The following MTTP variants were observed in gnomAD, a reference collection of about 807,000 sequenced individuals.
MTTP encodes the protein microsomal triglyceride transfer protein.
MTTP carries 49 observed loss-of-function variants against 90.6 expected under a neutral mutation model. The ratio of observed to expected loss-of-function variants is 0.54; its 90% CI spans 0.43 to 0.69. MTTP has a LOEUF of 0.69. Ranked by LOEUF, MTTP falls within the 30% of genes least tolerant of loss-of-function variation. The probability of loss-of-function intolerance (pLI) is 0.00; values close to 1 mark genes in which losing one functional copy is unlikely to be tolerated. For missense variants in MTTP, 945 were observed against 1,067.5 expected (o/e 0.89, Z 1.60); for synonymous variants, 347 against 384.2 (o/e 0.90, Z 1.13).
chr4:99,621,174 T>TTTCTCAGTACCC lies in MTTP; in HGVS notation c.2457_2468dup (p.Ser820_Pro823dup), dbSNP rs1726220630. On this transcript the variant is annotated inframe_insertion, in exon 17 of 18. Coordinates refer to ENST00000265517, the MANE Select transcript of MTTP (RefSeq NM_001386140.1). ...TTGGAGTTTATCTCCACAGTGCAGT[T>TTTCTCAGTACCC]TTCTCAGTACCCATTCTTAGTTTGC... 1 of 1,613,962 alleles carries TTTCTCAGTACCC rather than the reference T, an allele frequency of 6.2e-7. No homozygotes were observed. The highest frequency in any genetic ancestry group is 1.3e-5 in the African/African-American group (1 of 74,910).
At chr4:99,565,180 A>G (rs927690461) in intron 1 of MTTP, among the ~76,000 whole-genome samples, 4 of 152,188 alleles carry the variant, frequency 2.6e-5, no homozygotes, top group Admixed American at 2.0e-4. Context: ...TGGCAAAGTG[A>G]TGTGCCAAAT....
chr4:99,577,544 G>A (rs907135175), intron 1 of MTTP, among the ~76,000 whole-genome samples: 39 of 148,050 alleles, frequency 2.6e-4, no homozygotes, highest in Admixed American at 2.3e-3. Flanking sequence ...GGTGGAGGTT[G>A]CAGTGAGCTG....
intron 1 of MTTP, among the ~76,000 whole-genome samples, chr4:99,580,845 G>A (rs998827704): frequency 3.9e-5 from 6 of 152,152 alleles, no homozygotes; most frequent in Non-Finnish European, 7.4e-5. Flanking sequence ...TACTGTGTAG[G>A]TGGGTAAGGC....
chr4:99,600,864 G>C (rs764424736), intron 9 of MTTP, 131 bp downstream of exon 9: 19 of 897,296 alleles, frequency 2.1e-5, no homozygotes, highest in Non-Finnish European at 2.7e-5. Context: ...TATTCAAATT[G>C]GGGTATTTTC....
At chr4:99,619,757 A>G (rs1245183373) in intron 16 of MTTP, among the ~76,000 whole-genome samples, 1 of 152,200 alleles carries the variant, frequency 6.6e-6, no homozygotes, top group African/African-American at 2.4e-5. Context: ...ATAAAATCAA[A>G]TTTTTGATTC....
At chr4:99,611,070 T>C in intron 12 of MTTP, 73 bp from the exon 13 acceptor site, 2 of 1,527,778 alleles carry the variant, frequency 1.3e-6, no homozygotes, top group Non-Finnish European at 1.8e-6. Flanking sequence ...TGAGGATTTT[T>C]TTTTTCCAAA....
intron 10 of MTTP, 23 bp from the exon 11 acceptor site, chr4:99,606,725 A>T: frequency 6.2e-7 from 1 of 1,607,562 alleles, no homozygotes; most frequent in Non-Finnish European, 8.5e-7. Flanking sequence ...TCATGCATAT[A>T]TCTAAGGTAT....
In MTTP at chr4:99,621,083, G is replaced by A. The variant is rs1726217234; in HGVS notation, c.2365G>A (p.Asp789Asn). 6.2e-7 allele frequency: 1 copy of A among 1,613,894 alleles called. No homozygotes were observed. Among genetic ancestry groups the A allele is most frequent in the South Asian group, 1.1e-5 (1 of 91,070 alleles). ...TAGGGTGACTGTGGTAATAACCACTGACATCACAGTGGACTCCTCTTTTGT... is the reference window on the plus strand; with the variant it reads ...TAGGGTGACTGTGGTAATAACCACTAACATCACAGTGGACTCCTCTTTTGT... ...KNRVTVVITT[D>N]ITVDSSFVKA... is the part of the protein sequence containing the mutation. Residue 789 changes from aspartate to asparagine, a missense_variant, in exon 17 of 18, where the codon GAC becomes AAC. By Grantham distance (23) the Asp-to-Asn change is conservative. Transcript: ENST00000265517.
At chr4:99,577,492 C>G (rs1724993143) in intron 1 of MTTP, among the ~76,000 whole-genome samples, 1 of 151,452 alleles carries the variant, frequency 6.6e-6, no homozygotes, top group Non-Finnish European at 1.5e-5. Context: ...GTAATCCCAG[C>G]TACTCAGGAG....
At chr4:99,594,644 C>T in intron 6 of MTTP, 89 bp from the exon 7 acceptor site, 2 of 1,472,678 alleles carry the variant, frequency 1.4e-6, no homozygotes, top group Non-Finnish European at 1.9e-6. Flanking sequence ...GAATAAATTA[C>T]TATCTTGTTT....
chr4:99,581,983 GC>G lies in MTTP; in HGVS notation c.141del (p.Gly49GlufsTer31), dbSNP rs1228389182. The G allele has an allele frequency of 4.3e-6, 7 of 1,614,024 alleles. No homozygotes were observed. Among genetic ancestry groups the G allele is most frequent in the Non-Finnish European group, 5.9e-6 (7 of 1,180,022 alleles). On this transcript the variant is annotated frameshift_variant, in exon 2 of 18. Transcript: ENST00000265517. LOFTEE classifies it high-confidence loss of function. ...TCCACTGAAGTTCTTCTTGATCGGG[GC>G]AAAGGAAAACTGCAAGACAGCGTGG... ...TYSTEVLLDR[G>X]KGKLQDSVGY... is the part of the protein sequence containing the mutation.
At chr4:99,579,442 G>C (rs1012214926) in intron 1 of MTTP, among the ~76,000 whole-genome samples, 3 of 152,086 alleles carry the variant, frequency 2.0e-5, no homozygotes, top group Admixed American at 2.0e-4. Flanking sequence ...TGTTTCCTCT[G>C]TGAGGGGAAG....
In MTTP at chr4:99,623,506, A is replaced by G. The variant is rs1011493623; in HGVS notation, c.*658A>G. The G allele has an allele frequency of 1.3e-5, 2 of 153,818 alleles. No individual in the cohort carries two copies. The highest frequency in any genetic ancestry group is 2.9e-5 in the Non-Finnish European group (2 of 69,214). The allele number at this position is 153,818 out of a possible 1,614,324, so 9.5% of individuals were successfully genotyped here. On this transcript the variant is annotated 3_prime_UTR_variant, in exon 18 of 18. Coordinates refer to ENST00000265517, the MANE Select transcript of MTTP (RefSeq NM_001386140.1). ...CTGACCATTTTAGTGAGGTTGTTCCAAAGACATTCAGGTCTCTACCTCCAG... is the reference window on the plus strand; with the variant it reads ...CTGACCATTTTAGTGAGGTTGTTCCGAAGACATTCAGGTCTCTACCTCCAG...
intron 15 of MTTP, among the ~76,000 whole-genome samples, chr4:99,616,934 A>T (rs1242396867): frequency 6.6e-6 from 1 of 152,196 alleles, no homozygotes; most frequent in Non-Finnish European, 1.5e-5. Context: ...GAAGGCCAAG[A>T]TCCACATCAC....
chr4:99,621,332 T>C, intron 17 of MTTP, 101 bp downstream of exon 17: 3 of 1,391,692 alleles, frequency 2.2e-6, no homozygotes, highest in Middle Eastern at 3.7e-4. Flanking sequence ...AACAAAACAG[T>C]AGAAACCCAG....
chr4:99,588,712 T>A (rs1725318685), intron 3 of MTTP, among the ~76,000 whole-genome samples: 1 of 112,400 alleles, frequency 8.9e-6, no homozygotes, highest in Non-Finnish European at 1.8e-5. Flanking sequence ...CATATATATA[T>A]ATGTTCATAT....
At chr4:99,598,741 A>C (rs1397594894) in intron 8 of MTTP, among the ~76,000 whole-genome samples, 1 of 133,256 alleles carries the variant, frequency 7.5e-6, no homozygotes, top group East Asian at 2.2e-4. Context: ...TTGGCTCACC[A>C]CAACCTCCAC....
At chr4:99,571,845 T>C (rs2110205858), upstream of MTTP, among the ~76,000 whole-genome samples, 1 of 151,702 alleles carries the variant, frequency 6.6e-6, no homozygotes, top group East Asian at 1.9e-4. Flanking sequence ...ACTTTTAGAG[T>C]TTAAACTATT....
chr4:99,583,378 A>C lies in MTTP; in HGVS notation c.254A>C (p.Lys85Thr). 1.2e-6 allele frequency: 2 copies of C among 1,613,080 alleles called. No individual in the cohort carries two copies. Among genetic ancestry groups the C allele is most frequent in the Non-Finnish European group, 1.7e-6 (2 of 1,179,606 alleles). The change falls in exon 3 of 18, where the codon AAG becomes ACG. Residue 85 changes from lysine to threonine, a missense_variant. Physicochemically the swap from Lys to Thr is moderately conservative, Grantham distance 78. Coordinates refer to ENST00000265517, the MANE Select transcript of MTTP (RefSeq NM_001386140.1). ...DDDQLIQITMKDVNVENVNQQ... is the reference protein window; with the variant it reads ...DDDQLIQITMTDVNVENVNQQ... ...GCTTTCTTTCTGTTACTCCAGATGA[A>C]GGATGTAAATGTTGAAAATGTGAAT...
Sources: gnomAD v4.1 joint callset for allele counts (sites outside exome capture counted in the v4.1 genomes callset) on GRCh38, gnomAD v4.1.1 for gene constraint, MANE v1.5 for transcripts, NCBI Gene and HGNC (gene_info 2026-07-23, HGNC 2026-07-21) for gene names.